The following ANO2 variants were observed in gnomAD, a reference collection of about 807,000 sequenced individuals.
ANO2 encodes anoctamin-2.
A neutral mutation model predicts 124.2 loss-of-function variants in ANO2; 101 were observed. The ratio of observed to expected loss-of-function variants is 0.81; its 90% CI spans 0.69 to 0.96. The LOEUF (loss-of-function observed/expected upper bound fraction) is 0.96, where lower values mean the gene tolerates loss of function less well. Ranked by LOEUF, ANO2 falls within the 40% of genes least tolerant of loss-of-function variation. The pLI is 0.00. For synonymous variants in ANO2, 486 were observed against 482.5 expected (o/e 1.01, Z -0.09); for missense variants, 1,293 against 1,274.5 (o/e 1.01, Z -0.22).
chr12:5,613,087 A>T, intron 17 of ANO2, 129 bp from the exon 18 acceptor site: 1 of 874,062 alleles, frequency 1.1e-6, no homozygotes, highest in Non-Finnish European at 1.9e-6. Flanking sequence ...CGAGTGCTAG[A>T]TCACTCAGGG....
At chr12:5,760,547 T>A (rs1951708622) in intron 10 of ANO2, among the ~76,000 whole-genome samples, 1 of 152,064 alleles carries the variant, frequency 6.6e-6, no homozygotes, top group South Asian at 2.1e-4. Context: ...CACAGAAGAG[T>A]GTAACTGCTA....
chr12:5,913,531 C>A (rs569601353), intron 3 of ANO2, among the ~76,000 whole-genome samples: 2 of 152,224 alleles, frequency 1.3e-5, no homozygotes, highest in Admixed American at 1.3e-4. Flanking sequence ...TGCAGAGAAT[C>A]TCTGTGAATT....
intron 20 of ANO2, among the ~76,000 whole-genome samples, chr12:5,587,488 C>T (rs773454720): frequency 2.0e-4 from 30 of 152,248 alleles, no homozygotes; most frequent in African/African-American, 4.3e-4. Context: ...TTCCTCTCAT[C>T]AGCCCTGAGG....
At chr12:5,763,675 T>C (rs902490247) in intron 10 of ANO2, among the ~76,000 whole-genome samples, 22 of 152,144 alleles carry the variant, frequency 1.4e-4, no homozygotes, top group Admixed American at 1.0e-3. Flanking sequence ...AAACAGCGTA[T>C]CAAGATTTGT....
intron 3 of ANO2, among the ~76,000 whole-genome samples, chr12:5,868,627 C>G (rs1955494397): frequency 6.6e-6 from 1 of 152,144 alleles, no homozygotes; most frequent in Non-Finnish European, 1.5e-5. Flanking sequence ...AGCATCCTCC[C>G]TTTTTTCCTA....
At chr12:5,653,373 A>G (rs1455343226) in intron 14 of ANO2, among the ~76,000 whole-genome samples, 4 of 152,168 alleles carry the variant, frequency 2.6e-5, no homozygotes, top group Non-Finnish European at 5.9e-5. Context: ...GAGAAATACA[A>G]TGGATTTGGA....
intron 10 of ANO2, among the ~76,000 whole-genome samples, chr12:5,760,443 A>G (rs902437774): frequency 8.5e-5 from 13 of 152,334 alleles, no homozygotes; most frequent in Admixed American, 8.5e-4. Flanking sequence ...TCTTATTTCA[A>G]CTTTTATATT....
chr12:5,813,065 A>G (rs1953485366), intron 7 of ANO2, among the ~76,000 whole-genome samples: 1 of 23,278 alleles, frequency 4.3e-5, no homozygotes, highest in African/African-American at 9.1e-5. Flanking sequence ...GGAAGGAAGG[A>G]AGACGAAAGA....
intron 14 of ANO2, among the ~76,000 whole-genome samples, chr12:5,666,809 T>A (rs1947750813): frequency 8.9e-6 from 1 of 112,394 alleles, no homozygotes; most frequent in Non-Finnish European, 1.6e-5. Context: ...CTCCATAGAA[T>A]GCCCTGCCTG....
At chr12:5,697,292 C>T (rs1297726754) in intron 14 of ANO2, among the ~76,000 whole-genome samples, 1 of 151,794 alleles carries the variant, frequency 6.6e-6, no homozygotes, top group East Asian at 1.9e-4. Context: ...ATTAGCCGGG[C>T]GTGGTGGTGG....
At chr12:5,615,962 G>C (rs1032418879) in intron 16 of ANO2, among the ~76,000 whole-genome samples, 1 of 152,046 alleles carries the variant, frequency 6.6e-6, no homozygotes, top group Non-Finnish European at 1.5e-5. Flanking sequence ...CACGGGCCCT[G>C]GGTGTTCTAT....
intron 1 of ANO2, among the ~76,000 whole-genome samples, chr12:5,926,198 T>G (rs1450283346): frequency 6.6e-6 from 1 of 152,164 alleles, no homozygotes; most frequent in Non-Finnish European, 1.5e-5. Context: ...TTGGTACCGA[T>G]CCTATAAACT....
chr12:5,595,047 C>T (rs1223559826), intron 20 of ANO2, among the ~76,000 whole-genome samples: 3 of 152,174 alleles, frequency 2.0e-5, no homozygotes, highest in African/African-American at 7.2e-5. Context: ...ATCAATTAAG[C>T]CCTGCTTTGA....
At chr12:5,939,249 C>T (rs1052842911) in intron 1 of ANO2, among the ~76,000 whole-genome samples, 3 of 148,448 alleles carry the variant, frequency 2.0e-5, no homozygotes, top group East Asian at 2.0e-4. Context: ...TGTGTTTCCT[C>T]AAGAACACTT....
At chr12:5,640,379 C>T (rs1176480563) in intron 15 of ANO2, among the ~76,000 whole-genome samples, 1 of 152,144 alleles carries the variant, frequency 6.6e-6, no homozygotes, top group Non-Finnish European at 1.5e-5. Context: ...TCTCATGCTC[C>T]ACACCTTGTT....
At chr12:5,693,612 T>C (rs778246113) in intron 14 of ANO2, among the ~76,000 whole-genome samples, 3 of 152,142 alleles carry the variant, frequency 2.0e-5, no homozygotes, top group Admixed American at 6.5e-5. Context: ...TCCCATCTCA[T>C]TCGGAGTCAA....
Position 5,732,621 on chromosome 12 carries a change from TG to T in ANO2, c.1443del (p.Arg482GlyfsTer13). ...CGAACTTTGGTTTCATACTCAGGCC[TG>T]GAATGTTCCTAAACCAAAGAGCAGT... is the stretch of plus-strand genomic sequence containing the variant. ...LTGIEEEEEH[S>X]RPEYETKVRE... is the part of the protein sequence containing the mutation. On this transcript the variant is annotated frameshift_variant, in exon 14 of 25. Transcript: ENST00000682330. LOFTEE classifies it high-confidence loss of function. 3.7e-6 allele frequency: 6 copies of T among 1,613,410 alleles called. No homozygotes were observed. Among genetic ancestry groups the T allele is most frequent in the Non-Finnish European group, 5.1e-6 (6 of 1,179,580 alleles).
intron 4 of ANO2, among the ~76,000 whole-genome samples, chr12:5,838,533 G>C (rs1378372223): frequency 6.6e-6 from 1 of 152,148 alleles, no homozygotes; most frequent in Non-Finnish European, 1.5e-5. Context: ...CTGGTCTTGA[G>C]GCGAGGGACC....
At chr12:5,792,453 T>C (rs1422834930) in intron 10 of ANO2, among the ~76,000 whole-genome samples, 1 of 152,222 alleles carries the variant, frequency 6.6e-6, no homozygotes. Flanking sequence ...TTTCTTTAGG[T>C]GTGATGACCT....
Sources: allele counts gnomAD v4.1 joint callset (sites outside exome capture counted in the v4.1 genomes callset), GRCh38; gene constraint gnomAD v4.1.1; transcripts MANE v1.5; gene names NCBI Gene and HGNC (gene_info 2026-07-23, HGNC 2026-07-21).